Variants in ACACA observed in about 807,000 individuals in gnomAD.
ACACA encodes the protein acetyl-CoA carboxylase alpha.
A neutral mutation model predicts 296.1 loss-of-function variants in ACACA; 103 were observed. The ratio of observed to expected loss-of-function variants is 0.35; its 90% CI spans 0.30 to 0.41. The LOEUF (loss-of-function observed/expected upper bound fraction) is 0.41, where lower values mean the gene tolerates loss of function less well. ACACA is among the 10% of genes least tolerant of loss of function. The probability of loss-of-function intolerance (pLI) is 1.00; values close to 1 mark genes in which losing one functional copy is unlikely to be tolerated. For missense variants in ACACA, 1,554 were observed against 2,989.7 expected, an observed-to-expected ratio of 0.52 and a Z score of 11.20; for synonymous variants, 953 against 1,038.6, an observed-to-expected ratio of 0.92 and a Z score of 1.58.
intron 11 of ACACA, 38 bp downstream of exon 11, chr17:37,263,647 T>C (rs1391684390): frequency 2.6e-6 from 4 of 1,551,938 alleles, no homozygotes; most frequent in South Asian, 1.1e-5. Flanking sequence ...AAATGTTCTA[T>C]GTAAGAAAAC....
At chr17:37,154,496 T>A (rs914903406) in intron 43 of ACACA, among the ~76,000 whole-genome samples, 2 of 147,558 alleles carry the variant, frequency 1.4e-5, no homozygotes, top group African/African-American at 5.2e-5. Flanking sequence ...GACAATTAAC[T>A]TTTTTTTTTC....
At chr17:37,182,871 G>C (rs1028536399) in intron 39 of ACACA, among the ~76,000 whole-genome samples, 1 of 152,148 alleles carries the variant, frequency 6.6e-6, no homozygotes, top group Non-Finnish European at 1.5e-5. Context: ...CTGCTAATTT[G>C]TCAATCAGGT....
chr17:37,244,485 C>T, intron 21 of ACACA, 103 bp downstream of exon 21: 1 of 1,441,384 alleles, frequency 6.9e-7, no homozygotes, highest in South Asian at 1.2e-5. Context: ...GGCCAAACAG[C>T]TTTCTTTTCC....
At chr17:37,141,196 T>C in intron 45 of ACACA, 1 of 555,752 alleles carries the variant, frequency 1.8e-6, no homozygotes, top group Non-Finnish European at 3.5e-6. Context: ...CACGAAAAAG[T>C]TAGTGATCTC....
Position 37,192,374 on chromosome 17 carries a change from T to C in ACACA, c.4201-69A>G, listed in dbSNP as rs2077795424. 7.9e-6 allele frequency: 11 copies of C among 1,389,154 alleles called. 1 individual carries two copies. The highest frequency in any genetic ancestry group is 1.2e-5 in the South Asian group (1 of 83,744). 86.1% of individuals were successfully genotyped at this position (1,389,154 alleles called of 1,614,324 possible). On this transcript the variant is annotated intron_variant, in intron 36 of 55. Coordinates refer to ENST00000616317, the MANE Select transcript of ACACA (RefSeq NM_198834.3). ...TACAAAATTATACTATGAATGTGAA[T>C]GTAAAAGAGATGCCTGAAAATAGAA...
chr17:37,352,055 C>T (rs1425954263), intron 1 of ACACA, among the ~76,000 whole-genome samples: 1 of 151,716 alleles, frequency 6.6e-6, no homozygotes, highest in African/African-American at 2.4e-5. Context: ...CTCAGCCTCC[C>T]GAGTAGCTGG....
At chr17:37,129,923 G>A (rs1436877771) in intron 46 of ACACA, 152 bp downstream of exon 46, 5 of 1,176,516 alleles carry the variant, frequency 4.2e-6, no homozygotes, top group Non-Finnish European at 6.2e-6. Flanking sequence ...AAATATGGCT[G>A]TAAGGAAAAG....
chr17:37,335,451 A>C (rs2048074155), intron 2 of ACACA, among the ~76,000 whole-genome samples: 2 of 152,204 alleles, frequency 1.3e-5, no homozygotes, highest in African/African-American at 4.8e-5. Context: ...CCACACGAAT[A>C]GTCTGCCTAC....
chr17:37,091,696 C>T (rs970351040), intron 54 of ACACA, among the ~76,000 whole-genome samples: 5 of 151,930 alleles, frequency 3.3e-5, no homozygotes, highest in Non-Finnish European at 7.4e-5. Context: ...TCTCCTGCAT[C>T]GGCATCCTGA....
At chr17:37,354,847 T>A (rs1288350442) in intron 1 of ACACA, among the ~76,000 whole-genome samples, 1 of 152,162 alleles carries the variant, frequency 6.6e-6, no homozygotes, top group Non-Finnish European at 1.5e-5. Flanking sequence ...GGAGGACTGC[T>A]TGAGCCCAGG....
At chr17:37,299,059 A>G (rs1262061859) in intron 3 of ACACA, among the ~76,000 whole-genome samples, 1 of 152,150 alleles carries the variant, frequency 6.6e-6, no homozygotes. Flanking sequence ...AATATCACAC[A>G]TGGGCTCAGG....
chr17:37,143,562 A>C, intron 45 of ACACA: 1 of 578,054 alleles, frequency 1.7e-6, no homozygotes, highest in Admixed American at 2.7e-5. Context: ...GACACCATAC[A>C]GTTTAAAAAA....
intron 24 of ACACA, among the ~76,000 whole-genome samples, chr17:37,239,811 T>C (rs756306111): frequency 6.6e-6 from 1 of 152,224 alleles, no homozygotes; most frequent in Non-Finnish European, 1.5e-5. Flanking sequence ...ATGAGTGGCA[T>C]AGGCTGCTTT....
chr17:37,381,773 A>T (rs138642197), intron 1 of ACACA, among the ~76,000 whole-genome samples: 3 of 150,564 alleles, frequency 2.0e-5, no homozygotes, highest in Non-Finnish European at 4.4e-5. Flanking sequence ...GACTACAGGC[A>T]CTCGCCACCA....
intron 3 of ACACA, among the ~76,000 whole-genome samples, chr17:37,285,792 T>G (rs1156868929): frequency 6.6e-6 from 1 of 152,054 alleles, no homozygotes; most frequent in Non-Finnish European, 1.5e-5. Context: ...GTCATGCTAC[T>G]GCACTCTAGC....
intron 3 of ACACA, among the ~76,000 whole-genome samples, chr17:37,327,887 A>C (rs1340839465): frequency 1.3e-5 from 2 of 152,220 alleles, no homozygotes; most frequent in East Asian, 3.8e-4. Flanking sequence ...AAATGCAAGT[A>C]GTCCTGCCAG....
chr17:37,331,709 T>C (rs888870625), intron 2 of ACACA, among the ~76,000 whole-genome samples: 5 of 151,838 alleles, frequency 3.3e-5, no homozygotes, highest in African/African-American at 1.2e-4. Context: ...CCCGGTCTAA[T>C]TTTTAAATAT....
intron 1 of ACACA, among the ~76,000 whole-genome samples, chr17:37,358,757 G>A (rs942309539): frequency 6.6e-6 from 1 of 152,162 alleles, no homozygotes; most frequent in South Asian, 2.1e-4. Flanking sequence ...TCCCAGTTCC[G>A]GGATCTGAAT....
chr17:37,165,252 C>T (rs1281950112), intron 41 of ACACA, among the ~76,000 whole-genome samples: 2 of 151,944 alleles, frequency 1.3e-5, no homozygotes, highest in African/African-American at 4.8e-5. Context: ...TAAGAAAGCA[C>T]TATTATTCAA....
Sources: allele counts gnomAD v4.1 joint callset (sites outside exome capture counted in the v4.1 genomes callset), GRCh38; gene constraint gnomAD v4.1.1; transcripts MANE v1.5; gene names NCBI Gene and HGNC (gene_info 2026-07-23, HGNC 2026-07-21).